PHACTR3: variants seen among roughly 807,000 people sequenced by gnomAD.
PHACTR3 encodes protein phosphatase 1, regulatory subunit 123.
In PHACTR3, 16 loss-of-function variants were observed where a neutral mutation model predicts 66.8. The observed-to-expected ratio is 0.24, with a 90% confidence interval of 0.16 to 0.36. The LOEUF (loss-of-function observed/expected upper bound fraction) is 0.36. PHACTR3 is among the 10% of genes least tolerant of loss of function. The pLI, the probability that PHACTR3 is intolerant of heterozygous loss-of-function variation, is 1.00. For synonymous variants in PHACTR3, 323 were observed against 292.1 expected, an observed-to-expected ratio of 1.11 and a Z score of -1.08; for missense variants, 647 against 719.9, an observed-to-expected ratio of 0.90 and a Z score of 1.16.
At chr20:59,611,789 CT>C (rs2033858117) in intron 1 of PHACTR3, among the ~76,000 whole-genome samples, 1 of 152,192 alleles carries the variant, frequency 6.6e-6, no homozygotes, top group African/African-American at 2.4e-5. Context: ...TGGAAATCTC[CT>C]AGGGTCCCCC....
Position 59,719,091 on chromosome 20 carries a change from T to G in PHACTR3, c.119-24016T>G, listed in dbSNP as rs545187530. On this transcript the variant is annotated intron_variant, in intron 1 of 12. Transcript: ENST00000371015. ...CCTTGCTAACACCAGATGAATGAAT[T>G]AAGAATGCACCTCCCCCGGGGCTGT... is the stretch of plus-strand genomic sequence containing the variant. Among the ~76,000 whole-genome samples the G allele has an allele frequency of 2.0e-5, 3 of 152,340 alleles. No individual in the cohort carries two copies. In the South Asian group the frequency reaches 6.2e-4, roughly 32 times the overall value.
chr20:59,817,134 TGG>T (rs1402617058), intron 8 of PHACTR3, among the ~76,000 whole-genome samples: 1 of 152,266 alleles, frequency 6.6e-6, no homozygotes, highest in Non-Finnish European at 1.5e-5. Context: ...CTTTGCATAG[TGG>T]GCTCTTTGGA....
chr20:59,718,281 T>A (rs975970537), intron 1 of PHACTR3, among the ~76,000 whole-genome samples: 1 of 152,184 alleles, frequency 6.6e-6, no homozygotes. Flanking sequence ...CCTCTCCTGG[T>A]TGCTGTGTGG....
chr20:59,624,457 T>C (rs1235499444), intron 1 of PHACTR3, among the ~76,000 whole-genome samples: 1 of 152,144 alleles, frequency 6.6e-6, no homozygotes, highest in African/African-American at 2.4e-5. Context: ...AGTATGAACA[T>C]GCATTTTTAG....
intron 1 of PHACTR3, among the ~76,000 whole-genome samples, chr20:59,618,098 A>G (rs1036664184): frequency 6.6e-6 from 1 of 152,214 alleles, no homozygotes; most frequent in African/African-American, 2.4e-5. Context: ...GTGGCTTCGA[A>G]TTAACTAGCC....
At chr20:59,674,031 C>T (rs1042001351) in intron 1 of PHACTR3, among the ~76,000 whole-genome samples, 7 of 152,122 alleles carry the variant, frequency 4.6e-5, no homozygotes, top group Non-Finnish European at 8.8e-5. Context: ...AGGAGTCGAG[C>T]TTCTGATGAA....
chr20:59,810,914 G>A (rs867537994), intron 8 of PHACTR3, among the ~76,000 whole-genome samples: 44 of 152,346 alleles, frequency 2.9e-4, no homozygotes, highest in South Asian at 1.0e-3. Context: ...ACAGAGGCAC[G>A]GGCTGTTTTG....
At chr20:59,821,957 A>G (rs542169031) in intron 8 of PHACTR3, among the ~76,000 whole-genome samples, 55 of 149,578 alleles carry the variant, frequency 3.7e-4, no homozygotes, top group Middle Eastern at 6.9e-3. Flanking sequence ...CCCCCTCCCC[A>G]GCAATCCTAC....
chr20:59,649,446 A>G (rs2035388702), intron 1 of PHACTR3, among the ~76,000 whole-genome samples: 1 of 152,208 alleles, frequency 6.6e-6, no homozygotes. Flanking sequence ...CTTTCTTTAA[A>G]TATTGTATAT....
intron 1 of PHACTR3, among the ~76,000 whole-genome samples, chr20:59,652,958 A>C (rs1436845923): frequency 6.6e-6 from 1 of 152,188 alleles, no homozygotes; most frequent in South Asian, 2.1e-4. Context: ...TGGGAGTAAA[A>C]AGCGAGCACT....
intron 1 of PHACTR3, among the ~76,000 whole-genome samples, chr20:59,700,562 G>T (rs2037464409): frequency 1.3e-5 from 2 of 152,148 alleles, no homozygotes; most frequent in Admixed American, 6.5e-5. Flanking sequence ...TAAAAGATGG[G>T]TCTACAAGGG....
At position 59,773,395 on chromosome 20, in the gene PHACTR3, C is replaced by T. The variant is rs781136142; in HGVS notation, c.868C>T (p.Pro290Ser). ...HLTTVHRPLP[P>S]SRVIEELHRA... The stretch of plus-strand genomic sequence containing the variant: ...CACCACGGTCCACCGGCCTCTTCCC[C>T]CAAGCCGCGTCATTGAGGAGCTGCA... The change falls in exon 6 of 13, where the codon CCA becomes TCA. Residue 290 changes from proline to serine, a missense_variant. Coordinates refer to ENST00000371015, the MANE Select transcript of PHACTR3 (RefSeq NM_080672.5). 7 of 1,614,162 alleles carry T rather than the reference C, an allele frequency of 4.3e-6. No individual in the cohort carries two copies. The South Asian group carries it at 6.6e-5, about 15-fold the overall frequency.
Position 59,739,693 on chromosome 20 carries a change from T to G in PHACTR3, c.119-3414T>G, listed in dbSNP as rs1342854976. ...CTTGACACATGGAGATTATGGGGAT[T>G]ATAATTCAAGATGAGATTTGGGTGG... On this transcript the variant is annotated intron_variant, in intron 1 of 12. Coordinates refer to ENST00000371015, the MANE Select transcript of PHACTR3 (RefSeq NM_080672.5). Among the ~76,000 whole-genome samples, 5 of 152,118 alleles carry G rather than the reference T, an allele frequency of 3.3e-5. 1 individual carries two copies. The highest frequency in any genetic ancestry group is 2.0e-4 in the Admixed American group (3 of 15,276).
intron 1 of PHACTR3, among the ~76,000 whole-genome samples, chr20:59,591,428 C>G (rs2033179080): frequency 6.6e-6 from 1 of 152,138 alleles, no homozygotes; most frequent in Non-Finnish European, 1.5e-5. Flanking sequence ...CTGAGTGACA[C>G]CATGCGGGGA....
intron 6 of PHACTR3, 60 bp from the exon 7 acceptor site, chr20:59,774,182 AT>A: frequency 6.6e-7 from 1 of 1,518,138 alleles, no homozygotes; most frequent in Non-Finnish European, 8.8e-7. Flanking sequence ...TCCAAAGTCA[AT>A]CGTGCTGGGT....
intron 12 of PHACTR3, among the ~76,000 whole-genome samples, chr20:59,846,152 G>T (rs904249448): frequency 1.3e-5 from 2 of 152,124 alleles, no homozygotes; most frequent in Non-Finnish European, 2.9e-5. Flanking sequence ...CAAAGAGAAA[G>T]GAAATCCTGC....
At position 59,690,409 on chromosome 20, in the gene PHACTR3, G is replaced by A. The variant is rs544613436; in HGVS notation, c.119-52698G>A. 6.6e-5 allele frequency among the ~76,000 whole-genome samples: 10 copies of A among 152,298 alleles called. No individual in the cohort carries two copies. The East Asian group carries it at 9.7e-4, about 15-fold the overall frequency. ...TAATCCTTTGGGGCCCTCAGACGCC[G>A]TCCCCACTGTCTTAGTTGTCTGGTT... On this transcript the variant is annotated intron_variant, in intron 1 of 12. Transcript: ENST00000371015.
chr20:59,827,121 T>C (rs1213433883), intron 8 of PHACTR3, among the ~76,000 whole-genome samples: 3 of 151,954 alleles, frequency 2.0e-5, no homozygotes, highest in African/African-American at 7.3e-5. Flanking sequence ...CTTTAGCACC[T>C]GGAAGAGGAG....
chr20:59,647,886 T>C (rs2035338137), intron 1 of PHACTR3, among the ~76,000 whole-genome samples: 1 of 152,224 alleles, frequency 6.6e-6, no homozygotes, highest in African/African-American at 2.4e-5. Context: ...TTTTGCACTG[T>C]TTTATTTTTC....
Sources: gnomAD v4.1 joint callset for allele counts (sites outside exome capture counted in the v4.1 genomes callset) on GRCh38, gnomAD v4.1.1 for gene constraint, MANE v1.5 for transcripts, NCBI Gene and HGNC (gene_info 2026-07-23, HGNC 2026-07-21) for gene names.